The following AFG2A variants were observed in gnomAD, a reference collection of about 807,000 sequenced individuals.
The protein encoded by AFG2A is AAA ATPase AFG2A, also known as ATPase family gene 2 protein homolog A.
chr4:123,215,786 A>G, the AFG2A span, among the ~76,000 whole-genome samples: 1 of 152,130 alleles, frequency 6.6e-6, no homozygotes, highest in South Asian at 2.1e-4. Context: ...CTTCAGTAGC[A>G]TTTTCAAAAG....
chr4:123,214,731 CGAT>C, the AFG2A span, among the ~76,000 whole-genome samples: 1 of 151,830 alleles, frequency 6.6e-6, no homozygotes, highest in Non-Finnish European at 1.5e-5. Flanking sequence ...AGCCTTAAGA[CGAT>C]AAGGATGAAG....
At chr4:123,007,538 ATATGTGTATGTATGTGTGTGTGTGTG>A in the AFG2A span, among the ~76,000 whole-genome samples, 9 of 120,100 alleles carry the variant, frequency 7.5e-5, no homozygotes, top group South Asian at 3.8e-4. Context: ...CTATATATAT[ATATGTGTATGTATGTGTGTGTGTGTG>A]TATATGTGTG....
At chr4:123,106,709 G>C in the AFG2A span, among the ~76,000 whole-genome samples, 20 of 152,342 alleles carry the variant, frequency 1.3e-4, no homozygotes, top group East Asian at 3.9e-3. Flanking sequence ...AAGGGGACTT[G>C]GAGTGTTGCT....
the AFG2A span, among the ~76,000 whole-genome samples, chr4:123,054,253 A>G: frequency 2.6e-4 from 39 of 152,260 alleles, no homozygotes; most frequent in East Asian, 2.9e-3. Context: ...ACCCTCTCAA[A>G]GTGACCCTCC....
the AFG2A span, among the ~76,000 whole-genome samples, chr4:123,170,487 T>G: frequency 3.2e-4 from 48 of 152,326 alleles, no homozygotes; most frequent in Middle Eastern, 3.4e-3. Flanking sequence ...AGCATTCATT[T>G]TGTCTCCTGG....
chr4:123,199,540 C>T, the AFG2A span, among the ~76,000 whole-genome samples: 1,694 of 129,962 alleles, frequency 0.013, 10 homozygotes, highest in African/African-American at 0.016. Flanking sequence ...GGCACGATCT[C>T]GGCTAACTGC....
chr4:123,171,304 G>GT, the AFG2A span, among the ~76,000 whole-genome samples: 2 of 151,968 alleles, frequency 1.3e-5, no homozygotes, highest in Non-Finnish European at 2.9e-5. Context: ...GTCAGGATGG[G>GT]TTTTTTTAAA....
chr4:123,207,919 T>C, the AFG2A span, among the ~76,000 whole-genome samples: 1 of 152,148 alleles, frequency 6.6e-6, no homozygotes, highest in Non-Finnish European at 1.5e-5. Flanking sequence ...TTTGCGGAAG[T>C]GAGAAGGCCA....
the AFG2A span, among the ~76,000 whole-genome samples, chr4:123,153,682 T>C: frequency 6.6e-6 from 1 of 151,994 alleles, no homozygotes; most frequent in East Asian, 1.9e-4. Flanking sequence ...TAAAGGTAGC[T>C]CCAAAAATTA....
At chr4:123,088,791 T>A in the AFG2A span, among the ~76,000 whole-genome samples, 1 of 152,140 alleles carries the variant, frequency 6.6e-6, no homozygotes, top group East Asian at 1.9e-4. Context: ...ATTGTTAGTT[T>A]CCTGAGGTCT....
chr4:123,039,742 T>C, the AFG2A span, among the ~76,000 whole-genome samples: 1 of 151,882 alleles, frequency 6.6e-6, no homozygotes, highest in Non-Finnish European at 1.5e-5. Context: ...TAAAAATGAT[T>C]GTGCAAGGTG....
the AFG2A span, among the ~76,000 whole-genome samples, chr4:123,059,723 C>A: frequency 6.6e-6 from 1 of 150,722 alleles, no homozygotes; most frequent in Non-Finnish European, 1.5e-5. Flanking sequence ...CCTGAGGAAT[C>A]GCCACACTGA....
chr4:123,070,810 C>T, the AFG2A span, among the ~76,000 whole-genome samples: 1 of 152,168 alleles, frequency 6.6e-6, no homozygotes, highest in Admixed American at 6.5e-5. Flanking sequence ...GCCGTTTGAA[C>T]CCAAGCATAT....
chr4:123,129,820 T>C, the AFG2A span, among the ~76,000 whole-genome samples: 2 of 152,150 alleles, frequency 1.3e-5, no homozygotes, highest in Admixed American at 6.5e-5. Context: ...ACCATCTACT[T>C]ACATGTCTCA....
chr4:123,040,709 G>A, the AFG2A span, among the ~76,000 whole-genome samples: 11 of 152,114 alleles, frequency 7.2e-5, no homozygotes, highest in East Asian at 2.1e-3. Flanking sequence ...AGAACATTTT[G>A]CCTCAGCATA....
At chr4:122,947,905 T>C in the AFG2A span, among the ~76,000 whole-genome samples, 5 of 152,334 alleles carry the variant, frequency 3.3e-5, no homozygotes, top group African/African-American at 9.6e-5. Context: ...GGTCCACTTA[T>C]ATATGAATAT....
chr4:123,261,688 CATA>C, the AFG2A span, among the ~76,000 whole-genome samples: 1 of 152,102 alleles, frequency 6.6e-6, no homozygotes, highest in African/African-American at 2.4e-5. Context: ...GTCATTAAAC[CATA>C]ATGACCACCC....
chr4:123,118,261 AT>A, the AFG2A span, among the ~76,000 whole-genome samples: 6 of 135,660 alleles, frequency 4.4e-5, no homozygotes, highest in East Asian at 1.0e-3. Flanking sequence ...AAACAAAAAA[AT>A]ATGCAAATAT....
chr4:122,932,531 C>G, the AFG2A span, among the ~76,000 whole-genome samples: 3 of 152,130 alleles, frequency 2.0e-5, no homozygotes, highest in African/African-American at 7.2e-5. Context: ...AACTGTCCCC[C>G]CTCCACTGGT....
Sources: allele counts gnomAD v4.1 joint callset (sites outside exome capture counted in the v4.1 genomes callset), GRCh38; gene constraint gnomAD v4.1.1; transcripts MANE v1.5; gene names NCBI Gene and HGNC (gene_info 2026-07-23, HGNC 2026-07-21).